Variants in FGD3 observed in about 807,000 individuals in gnomAD.
FGD3 encodes FYVE, RhoGEF and PH domain-containing protein 3.
A neutral mutation model predicts 71.8 loss-of-function variants in FGD3; 45 were observed. The observed-to-expected ratio is 0.63, with a 90% CI of 0.49 to 0.80. The LOEUF is 0.80. Among genes scored for constraint, FGD3 ranks in the 30% least tolerant of loss-of-function variants. FGD3 has a pLI of 0.00. For synonymous variants in FGD3, 378 were observed against 392.8 expected, an observed-to-expected ratio of 0.96 and a Z score of 0.44; for missense variants, 844 against 951.5, an observed-to-expected ratio of 0.89 and a Z score of 1.49.
intron 1 of FGD3, among the ~76,000 whole-genome samples, chr9:92,961,953 T>C (rs939409276): frequency 1.3e-5 from 2 of 152,222 alleles, no homozygotes; most frequent in Non-Finnish European, 2.9e-5. Flanking sequence ...ATCATTTCTG[T>C]AATGTCCTAT....
intron 1 of FGD3, among the ~76,000 whole-genome samples, chr9:92,966,295 A>G (rs553420421): frequency 6.0e-4 from 92 of 152,282 alleles, no homozygotes; most frequent in Non-Finnish European, 1.1e-3. Flanking sequence ...TCTGGGGACA[A>G]GCTGCCTGCT....
At chr9:93,012,603 G>A (rs1354645464) in intron 8 of FGD3, among the ~76,000 whole-genome samples, 9 of 151,334 alleles carry the variant, frequency 5.9e-5, no homozygotes. Flanking sequence ...TGGCCAACAT[G>A]GTGAAACCCT....
At chr9:93,020,617 G>A in intron 13 of FGD3, 193 bp downstream of exon 13, 1 of 577,020 alleles carries the variant, frequency 1.7e-6, no homozygotes, top group Non-Finnish European at 3.1e-6. Context: ...ATTTAATTGA[G>A]CAAACAACTA....
chr9:93,017,765 G>C (rs1481216881), intron 10 of FGD3, among the ~76,000 whole-genome samples: 1 of 152,190 alleles, frequency 6.6e-6, no homozygotes, highest in African/African-American at 2.4e-5. Flanking sequence ...CGTGGCTGCT[G>C]TGGCGGGCAG....
intron 1 of FGD3, among the ~76,000 whole-genome samples, chr9:92,966,560 G>T (rs1186415959): frequency 6.6e-6 from 1 of 152,266 alleles, no homozygotes; most frequent in Non-Finnish European, 1.5e-5. Flanking sequence ...GGGCACCGCA[G>T]ACTCAGGCCT....
At position 92,986,055 on chromosome 9, in the gene FGD3, G is replaced by A. The variant is rs182857385; in HGVS notation, c.453+9346G>A. Among the ~76,000 whole-genome samples the A allele has an allele frequency of 8.9e-4, 136 of 152,218 alleles. 1 individual carries two copies. The highest frequency in any genetic ancestry group is 1.5e-3 in the South Asian group (7 of 4,814). On this transcript the variant is annotated intron_variant, in intron 3 of 17. Transcript: ENST00000375482. ...CACAATTACCCACTTGACAACAGAGGAAATACCAGAGTGAACAGTGGGCCC... is the reference window on the plus strand; with the variant it reads ...CACAATTACCCACTTGACAACAGAGAAAATACCAGAGTGAACAGTGGGCCC...
intron 3 of FGD3, among the ~76,000 whole-genome samples, chr9:92,995,716 G>C (rs1221504815): frequency 6.6e-6 from 1 of 152,016 alleles, no homozygotes; most frequent in African/African-American, 2.4e-5. Flanking sequence ...GGCCTTTTCT[G>C]CATCTATTGA....
intron 12 of FGD3, among the ~76,000 whole-genome samples, 176 bp downstream of exon 12, chr9:93,020,037 C>A (rs1861851651): frequency 6.6e-6 from 1 of 152,216 alleles, no homozygotes; most frequent in Non-Finnish European, 1.5e-5. Context: ...ATGCCACAAG[C>A]CCTTCAACCC....
At position 92,969,576 on chromosome 9, in the gene FGD3, G is replaced by GTGTGT. The variant is rs2118545452; in HGVS notation, c.-217-5662_-217-5661insTGTGT. ...AGCCTCCTGTGTGCCGGGGGCCACT[G>GTGTGT]GGCCACTCCAGCGACAGGACAAGGG... On this transcript the variant is annotated intron_variant, in intron 1 of 17. Coordinates refer to ENST00000375482, the MANE Select transcript of FGD3 (RefSeq NM_001083536.2). This position sits in a 1 kb window ranked among gnomAD's most constrained non-coding sequence, Gnocchi z 4.5. Among the ~76,000 whole-genome samples, 1 of 152,318 alleles carries GTGTGT rather than the reference G, an allele frequency of 6.6e-6. No individual in the cohort carries two copies. The highest frequency in any genetic ancestry group is 1.5e-5 in the Non-Finnish European group (1 of 68,034).
intron 1 of FGD3, among the ~76,000 whole-genome samples, chr9:92,971,783 C>T (rs1264366903): frequency 6.6e-6 from 1 of 151,642 alleles, no homozygotes; most frequent in Non-Finnish European, 1.5e-5. Flanking sequence ...GTATACTTGG[C>T]GTACCATTGA....
chr9:92,978,471 A>C (rs1859855999), intron 3 of FGD3, among the ~76,000 whole-genome samples: 1 of 135,886 alleles, frequency 7.4e-6, no homozygotes, highest in Non-Finnish European at 1.5e-5. Context: ...TGGACAAGAG[A>C]CTGATTAACT....
rs146862002 is a variant in FGD3 at position 93,019,711 on chromosome 9, C to A, written c.1356-120C>A. On this transcript the variant is annotated intron_variant, in intron 11 of 17. Coordinates refer to ENST00000375482, the MANE Select transcript of FGD3 (RefSeq NM_001083536.2). ...AGGCCCTTGGGGCCAATCTTCCAAT[C>A]CTTGAGCTGCGTTGACAAGCCAGTG... 3.5e-3 allele frequency: 3,438 copies of A among 979,004 alleles called. 10 individuals are homozygous for A. Among genetic ancestry groups the A allele is most frequent in the Non-Finnish European group, 4.7e-3 (2,896 of 617,504 alleles). 60.6% of individuals were successfully genotyped at this position (979,004 alleles called of 1,614,324 possible). A position where few individuals can be genotyped will look rare whatever the true frequency, so the allele number is the denominator to read the frequency against.
At chr9:93,019,892 A>T in intron 12 of FGD3, 31 bp downstream of exon 12, 1 of 1,612,844 alleles carries the variant, frequency 6.2e-7, no homozygotes, top group East Asian at 2.2e-5. Context: ...AAGTAACCAA[A>T]TGACCAAGTG....
At position 92,976,528 on chromosome 9, in the gene FGD3, C is replaced by G. The variant is rs115303550; in HGVS notation, c.272C>G (p.Pro91Arg). 9.4e-4 allele frequency: 1,514 copies of G among 1,612,556 alleles called. 7 individuals are homozygous for G. In the African/African-American group the frequency reaches 0.018, roughly 19 times the overall value. The change falls in exon 3 of 18, where the codon CCC becomes CGC. Residue 91 changes from proline to arginine, a missense_variant. Coordinates refer to ENST00000375482, the MANE Select transcript of FGD3 (RefSeq NM_001083536.2). ...PSSSVAGENF[P>R]CEEGLEAGPS... The stretch of plus-strand genomic sequence containing the variant: ...TCCAGTGTGGCTGGAGAGAACTTTC[C>G]CTGCGAGGAGGGCTTGGAGGCTGGC...
chr9:93,026,411 T>C (rs1862116183), intron 14 of FGD3, among the ~76,000 whole-genome samples: 1 of 152,230 alleles, frequency 6.6e-6, no homozygotes, highest in Non-Finnish European at 1.5e-5. Context: ...CATCCCTCGC[T>C]ACTCAGGTGG....
At chr9:93,014,475 T>C (rs1473890791) in intron 9 of FGD3, among the ~76,000 whole-genome samples, 2 of 152,048 alleles carry the variant, frequency 1.3e-5, no homozygotes, top group East Asian at 1.9e-4. Context: ...TCCTCCATTT[T>C]CCTCTAGCTT....
At chr9:92,957,958 G>A (rs113929349) in intron 1 of FGD3, among the ~76,000 whole-genome samples, 123 of 151,344 alleles carry the variant, frequency 8.1e-4, no homozygotes, top group Non-Finnish European at 1.2e-3. Context: ...TGGGAATACA[G>A]GCCACTGCAC....
At chr9:92,964,364 T>G (rs2118527115) in intron 1 of FGD3, 1 of 152,348 alleles carries the variant, frequency 6.6e-6, no homozygotes, top group Middle Eastern at 3.4e-3. Context: ...GTGAGTGGGC[T>G]TGGTCCTGAG....
intron 5 of FGD3, 140 bp downstream of exon 5, chr9:93,004,277 G>C (rs2118701679): frequency 2.8e-6 from 3 of 1,072,096 alleles, no homozygotes; most frequent in Non-Finnish European, 2.7e-6. Context: ...TCCTGGGTCC[G>C]ATCCAGACTC....
Sources: gnomAD v4.1 joint callset for allele counts (sites outside exome capture counted in the v4.1 genomes callset) on GRCh38, gnomAD v4.1.1 for gene constraint, Gnocchi (gnomAD v3.1) non-coding constraint, MANE v1.5 for transcripts, NCBI Gene and HGNC (gene_info 2026-07-23, HGNC 2026-07-21) for gene names.